Variants in TOMM20 observed in about 807,000 individuals in gnomAD.
TOMM20 encodes the protein mitochondrial import receptor subunit TOM20 homolog.
Under a neutral mutation model 22.1 loss-of-function variants are expected in TOMM20, and 10 were observed. The ratio of observed to expected loss-of-function variants is 0.45; its 90% CI spans 0.28 to 0.77. The LOEUF (loss-of-function observed/expected upper bound fraction) is 0.77, where lower values mean the gene tolerates loss of function less well. Among genes scored for constraint, TOMM20 ranks in the 30% least tolerant of loss-of-function variants. TOMM20 has a pLI of 0.13. For missense variants in TOMM20, 121 were observed against 172.2 expected (o/e 0.70, Z 1.66); for synonymous variants, 55 against 61.4 (o/e 0.90, Z 0.49).
chr1:235,117,720 G>A (rs1328768056), intron 3 of TOMM20, among the ~76,000 whole-genome samples: 1 of 152,088 alleles, frequency 6.6e-6, no homozygotes, highest in Non-Finnish European at 1.5e-5. Flanking sequence ...AAACATTTTG[G>A]GTAAAATTTT....
chr1:235,126,293 C>G (rs1489016451), intron 1 of TOMM20, among the ~76,000 whole-genome samples: 1 of 151,296 alleles, frequency 6.6e-6, no homozygotes, highest in Non-Finnish European at 1.5e-5. Flanking sequence ...CCACCACACC[C>G]GGCTAATTTT....
At position 235,113,902 on chromosome 1, in the gene TOMM20, C is replaced by T. The variant is rs1660783534; in HGVS notation, c.259G>A (p.Glu87Lys). 6.3e-7 allele frequency: 1 copy of T among 1,578,818 alleles called. No individual in the cohort carries two copies. The highest frequency in any genetic ancestry group is 1.4e-5 in the African/African-American group (1 of 73,636). The change falls in exon 4 of 5, where the codon GAG (glutamate) becomes AAG (lysine). Residue 87 changes from glutamate (E) to lysine (K), a missense_variant. Coordinates refer to ENST00000366607, the MANE Select transcript of TOMM20 (RefSeq NM_014765.3). The stretch of plus-strand genomic sequence containing the variant: ...TTTGTCAGATGGTCTACGCCCTTCT[C>T]ATATTCACCTGTAAGATTTACATAA... ...GEELLAQGEY[E>K]KGVDHLTNAI... is the part of the protein sequence containing the mutation.
At position 235,128,622 on chromosome 1, in the gene TOMM20, G is replaced by C; in HGVS notation, c.94C>G (p.Pro32Ala). The change falls in exon 1 of 5, where the codon CCC becomes GCC. Residue 32 changes from proline to alanine, a missense_variant. Physicochemically the swap from Pro to Ala is conservative, Grantham distance 27. Transcript: ENST00000366607. ...IYFDRKRRSD[P>A]NFKNRLRERR... ...TCTCGAAGCCTGTTCTTGAAGTTGG[G>C]GTCACTTCGTCTTTTGCGGTCGAAG... 6.2e-7 allele frequency: 1 copy of C among 1,613,238 alleles called. No individual in the cohort carries two copies. The highest frequency in any genetic ancestry group is 8.5e-7 in the Non-Finnish European group (1 of 1,179,944).
intron 3 of TOMM20, 83 bp downstream of exon 3, chr1:235,119,735 C>A (rs1660898967): frequency 8.8e-6 from 8 of 907,590 alleles, no homozygotes; most frequent in Non-Finnish European, 1.3e-5. Flanking sequence ...AGCCAAATTA[C>A]ACAAACAAAG....
At chr1:235,126,404 T>G in intron 1 of TOMM20, among the ~76,000 whole-genome samples, 1 of 151,944 alleles carries the variant, frequency 6.6e-6, no homozygotes, top group East Asian at 1.9e-4. Flanking sequence ...GTGCTGAGAT[T>G]ACTAGCGTTG....
chr1:235,113,694 T>G, intron 4 of TOMM20, 74 bp downstream of exon 4: 1 of 1,496,074 alleles, frequency 6.7e-7, no homozygotes, highest in East Asian at 2.3e-5. Context: ...TTCACTAGGC[T>G]CATTTTAAAA....
In TOMM20 at chr1:235,128,783, T is replaced by A. The variant is rs1221583506; in HGVS notation, c.-68A>T. On this transcript the variant is annotated 5_prime_UTR_variant, in exon 1 of 5. Transcript: ENST00000366607. ...CGAAGGAGCGGTGGGCCACGAACCC[T>A]CAGAGCGGTCGGCGCAGCTCACACC... 22 of 1,604,102 alleles carry A rather than the reference T, an allele frequency of 1.4e-5. No homozygotes were observed. The highest frequency in any genetic ancestry group is 1.8e-5 in the Non-Finnish European group (21 of 1,176,154).
intron 2 of TOMM20, among the ~76,000 whole-genome samples, chr1:235,121,784 T>C (rs1202623440): frequency 1.3e-5 from 2 of 152,174 alleles, no homozygotes; most frequent in African/African-American, 2.4e-5. Context: ...TAAACCTACA[T>C]AGTCATTAAA....
At chr1:235,127,991 C>T (rs546542009) in intron 1 of TOMM20, 2 of 467,648 alleles carry the variant, frequency 4.3e-6, no homozygotes, top group East Asian at 5.9e-5. Flanking sequence ...GCCTGACCAA[C>T]ACGGTGAAAC....
At chr1:235,118,048 C>T (rs1054029293) in intron 3 of TOMM20, among the ~76,000 whole-genome samples, 1 of 152,208 alleles carries the variant, frequency 6.6e-6, no homozygotes, top group Admixed American at 6.5e-5. Flanking sequence ...AAAAGACTGG[C>T]TAAGTCAGTT....
At chr1:235,114,259 G>T (rs1304453214) in intron 3 of TOMM20, among the ~76,000 whole-genome samples, 1 of 152,086 alleles carries the variant, frequency 6.6e-6, no homozygotes, top group Non-Finnish European at 1.5e-5. Flanking sequence ...AAAGACTGGG[G>T]ACTGGGGTAG....
rs1298580216 is a variant in TOMM20, at chr1:235,128,789, C to T, written c.-74G>A. On this transcript the variant is annotated 5_prime_UTR_variant, in exon 1 of 5. Transcript: ENST00000366607. ...AGCGGTGGGCCACGAACCCTCAGAG[C>T]GGTCGGCGCAGCTCACACCCGACGG... The T allele has an allele frequency of 3.7e-6, 6 of 1,600,568 alleles. No individual in the cohort carries two copies. Among genetic ancestry groups the T allele is most frequent in the African/African-American group, 1.3e-5 (1 of 74,702 alleles).
At chr1:235,126,274 C>T (rs546266507) in intron 1 of TOMM20, among the ~76,000 whole-genome samples, 179 of 151,572 alleles carry the variant, frequency 1.2e-3, no homozygotes, top group Non-Finnish European at 2.4e-3. Flanking sequence ...CTGGGACTAC[C>T]GGCGTGCACC....
Position 235,109,402 on chromosome 1 carries a change from A to AT in TOMM20, c.*2661dup, listed in dbSNP as rs1004168702. On this transcript the variant is annotated 3_prime_UTR_variant, in exon 5 of 5. Transcript: ENST00000366607. ...GAGGCACAAGCAATAATAAAACTGC[A>AT]TTTTTTACGTTACAAAAAGATTTTG... 6.6e-6 allele frequency: 1 copy of AT among 152,180 alleles called. No individual in the cohort carries two copies. The highest frequency in any genetic ancestry group is 2.4e-5 in the African/African-American group (1 of 41,444). The allele number at this position is 152,180 out of a possible 1,614,324, so 9.4% of individuals were successfully genotyped here. A position where few individuals can be genotyped will look rare whatever the true frequency, so the allele number is the denominator to read the frequency against.
chr1:235,118,251 C>G (rs1052052588), intron 3 of TOMM20, among the ~76,000 whole-genome samples: 2 of 152,180 alleles, frequency 1.3e-5, no homozygotes, highest in African/African-American at 2.4e-5. Context: ...GCCAGATCGT[C>G]GTAAGTGGTA....
Position 235,128,635 on chromosome 1 carries a change from T to C in TOMM20, c.81A>G (p.Lys27=), listed in dbSNP as rs1661078929. The C allele has an allele frequency of 6.2e-7, 1 of 1,613,538 alleles. No homozygotes were observed. The highest frequency in any genetic ancestry group is 1.7e-5 in the Admixed American group (1 of 60,010). The part of the protein sequence containing the change: ...FIGYCIYFDR[K]RRSDPNFKNR... ...TCTTGAAGTTGGGGTCACTTCGTCT[T>C]TTGCGGTCGAAGTAGATGCAGTACC... Residue 27 remains lysine (K), a synonymous_variant, in exon 1 of 5, where the codon AAA becomes AAG. Coordinates refer to ENST00000366607, the MANE Select transcript of TOMM20 (RefSeq NM_014765.3).
chr1:235,115,917 C>A (rs1481262496), intron 3 of TOMM20, among the ~76,000 whole-genome samples: 1 of 152,216 alleles, frequency 6.6e-6, no homozygotes, highest in Non-Finnish European at 1.5e-5. Context: ...ACGCAACCCA[C>A]TACATGTACA....
chr1:235,127,828 T>C (rs1328994512), intron 1 of TOMM20: 6 of 519,066 alleles, frequency 1.2e-5, no homozygotes, highest in South Asian at 8.4e-5. Flanking sequence ...GAAATAAGAC[T>C]GAGCCACGGG....
At chr1:235,112,534 A>C (rs1336668351) in intron 4 of TOMM20, among the ~76,000 whole-genome samples, 3 of 152,044 alleles carry the variant, frequency 2.0e-5, no homozygotes, top group East Asian at 3.9e-4. Context: ...TGGTGCAGAC[A>C]GGGTTTTACC....
Sources: allele counts gnomAD v4.1 joint callset (sites outside exome capture counted in the v4.1 genomes callset), GRCh38; gene constraint gnomAD v4.1.1; transcripts MANE v1.5; gene names NCBI Gene and HGNC (gene_info 2026-07-23, HGNC 2026-07-21).